AGTR1: variants seen among roughly 807,000 people sequenced by gnomAD.
AGTR1 encodes type-1 angiotensin II receptor.
Under a neutral mutation model 19.4 loss-of-function variants are expected in AGTR1, and 16 were observed. The observed-to-expected ratio is 0.82, with a 90% CI of 0.56 to 1.25. AGTR1 has a LOEUF of 1.25. Among genes scored for constraint, AGTR1 ranks in the 50% most tolerant of loss-of-function variants. The pLI is 0.00. For missense variants in AGTR1, 373 were observed against 431.9 expected, an observed-to-expected ratio of 0.86 and a Z score of 1.21; for synonymous variants, 153 against 154.9, an observed-to-expected ratio of 0.99 and a Z score of 0.09.
At chr3:148,740,633 A>AT (rs1384405197) in intron 2 of AGTR1, among the ~76,000 whole-genome samples, 1 of 152,172 alleles carries the variant, frequency 6.6e-6, no homozygotes, top group Non-Finnish European at 1.5e-5. Context: ...TTTCTGAAAA[A>AT]CTAATTTAAT....
intron 1 of AGTR1, among the ~76,000 whole-genome samples, chr3:148,700,288 A>G (rs1712262493): frequency 6.6e-6 from 1 of 152,160 alleles, no homozygotes; most frequent in African/African-American, 2.4e-5. Flanking sequence ...GAAAATAAGG[A>G]AGAAAAGTTT....
At chr3:148,723,167 CT>C (rs1713743563) in intron 2 of AGTR1, among the ~76,000 whole-genome samples, 2 of 152,048 alleles carry the variant, frequency 1.3e-5, no homozygotes, top group African/African-American at 2.4e-5. Flanking sequence ...TCTTCCTGCA[CT>C]TTTTTTATGT....
chr3:148,741,089 T>A lies in AGTR1; in HGVS notation c.54T>A (p.Cys18Ter), dbSNP rs2107973900. 1 of 1,614,062 alleles carries A rather than the reference T, an allele frequency of 6.2e-7. No individual in the cohort carries two copies. Among genetic ancestry groups the A allele is most frequent in the Non-Finnish European group, 8.5e-7 (1 of 1,179,918 alleles). Reference protein sequence around the residue: ...EDGIKRIQDDCPKAGRHNYIF... With the variant: ...EDGIKRIQDD ...GTATTAAAAGAATCCAAGATGATTG[T>A]CCCAAAGCTGGAAGGCATAATTACA... is the stretch of plus-strand genomic sequence containing the variant. The change falls in exon 3 of 3, where the codon TGT (cysteine) becomes TGA (stop). Residue 18 changes from cysteine (C) to a stop codon, truncating the protein, a stop_gained. Transcript: ENST00000349243. LOFTEE classifies it high-confidence loss of function.
At chr3:148,715,081 A>G (rs937196368) in intron 2 of AGTR1, among the ~76,000 whole-genome samples, 1 of 152,176 alleles carries the variant, frequency 6.6e-6, no homozygotes, top group East Asian at 1.9e-4. Context: ...TATATTTGGG[A>G]TTGTGTGTGT....
At chr3:148,712,018 C>T (rs1276873620) in intron 2 of AGTR1, among the ~76,000 whole-genome samples, 3 of 152,024 alleles carry the variant, frequency 2.0e-5, no homozygotes, top group Admixed American at 2.0e-4. Flanking sequence ...TCCCAAAATG[C>T]TAAGATTACA....
At chr3:148,711,736 TAGAC>T (rs767318377) in intron 2 of AGTR1, among the ~76,000 whole-genome samples, 14 of 152,182 alleles carry the variant, frequency 9.2e-5, no homozygotes, top group South Asian at 8.3e-4. Flanking sequence ...TAGAGATAGA[TAGAC>T]AGACAGACAG....
chr3:148,706,203 C>T (rs1712657941), intron 1 of AGTR1, among the ~76,000 whole-genome samples: 1 of 150,816 alleles, frequency 6.6e-6, no homozygotes. Context: ...TAAATCTGAC[C>T]CTTTCTGTCA....
At position 148,741,033 on chromosome 3, in the gene AGTR1, A is replaced by C. The variant is rs1312751977; in HGVS notation, c.-3A>C. 3 of 1,613,838 alleles carry C rather than the reference A, an allele frequency of 1.9e-6. No individual in the cohort carries two copies. The highest frequency in any genetic ancestry group is 2.5e-6 in the Non-Finnish European group (3 of 1,179,890). On this transcript the variant is annotated 5_prime_UTR_variant, in exon 3 of 3. Transcript: ENST00000349243. ...TGCAACAAATTCGACCCAGGTGATC[A>C]AAATGATTCTCAACTCTTCTACTGA...
At chr3:148,739,397 T>C (rs1714751089) in intron 2 of AGTR1, among the ~76,000 whole-genome samples, 1 of 149,206 alleles carries the variant, frequency 6.7e-6, no homozygotes, top group South Asian at 2.1e-4. Flanking sequence ...ACATCCAAAA[T>C]GTCAAAGTGC....
intron 2 of AGTR1, among the ~76,000 whole-genome samples, chr3:148,723,795 C>T (rs559962952): frequency 7.1e-4 from 108 of 152,218 alleles, no homozygotes; most frequent in African/African-American, 2.6e-3. Flanking sequence ...TGTGTTTTAC[C>T]GTAACCTCCA....
At chr3:148,702,174 G>A (rs1422873804) in intron 1 of AGTR1, among the ~76,000 whole-genome samples, 4 of 151,868 alleles carry the variant, frequency 2.6e-5, no homozygotes, top group Non-Finnish European at 4.4e-5. Context: ...GAAGAGGTTC[G>A]CCATGTTGGC....
chr3:148,728,956 C>G (rs979356606), intron 2 of AGTR1, among the ~76,000 whole-genome samples: 1 of 152,152 alleles, frequency 6.6e-6, no homozygotes, highest in Non-Finnish European at 1.5e-5. Context: ...TTTCCTACTG[C>G]GGGGTTCCTT....
intron 2 of AGTR1, among the ~76,000 whole-genome samples, chr3:148,713,258 T>C (rs1340010295): frequency 6.6e-6 from 1 of 152,146 alleles, no homozygotes; most frequent in African/African-American, 2.4e-5. Context: ...TTTAATCATT[T>C]TTTTTCTTTT....
At chr3:148,730,567 G>A (rs1398023221) in intron 2 of AGTR1, 1 of 191,222 alleles carries the variant, frequency 5.2e-6, no homozygotes, top group African/African-American at 2.3e-5. Context: ...AAACATTTTA[G>A]CTGAGGGTAC....
chr3:148,729,925 A>G (rs1403078598), intron 2 of AGTR1, among the ~76,000 whole-genome samples: 1 of 152,118 alleles, frequency 6.6e-6, no homozygotes, highest in Non-Finnish European at 1.5e-5. Flanking sequence ...TTCCACTTCT[A>G]GCACCACGTG....
In AGTR1 at chr3:148,741,901, G is replaced by A. The variant is rs747780318; in HGVS notation, c.866G>A (p.Cys289Tyr). 7.4e-6 allele frequency: 12 copies of A among 1,614,086 alleles called. No homozygotes were observed. The highest frequency in any genetic ancestry group is 2.2e-5 in the East Asian group (1 of 44,884). ...GACACGGCCATGCCTATCACCATTTGTATAGCTTATTTTAACAATTGCCTG... is the reference window on the plus strand; with the variant it reads ...GACACGGCCATGCCTATCACCATTTATATAGCTTATTTTAACAATTGCCTG... ...IVDTAMPITI[C>Y]IAYFNNCLNP... is the part of the protein sequence containing the mutation. The change falls in exon 3 of 3, where the codon TGT (cysteine) becomes TAT (tyrosine). Residue 289 changes from cysteine (C) to tyrosine (Y), a missense_variant. Transcript: ENST00000349243.
Position 148,742,467 on chromosome 3 carries a change from A to G in AGTR1, c.*352A>G, listed in dbSNP as rs879776474. ...ATTTCCACATAAAGGTATTTAGAAT[A>G]TATTAAATCGTTAGAGGAGCAACAG... On this transcript the variant is annotated 3_prime_UTR_variant, in exon 3 of 3. Coordinates refer to ENST00000349243, the MANE Select transcript of AGTR1 (RefSeq NM_000685.5). 7.8e-6 allele frequency: 3 copies of G among 383,630 alleles called. No homozygotes were observed. The highest frequency in any genetic ancestry group is 1.6e-5 in the Non-Finnish European group (3 of 192,084). The allele number at this position is 383,630 out of a possible 1,614,324, so 23.8% of individuals were successfully genotyped here.
intron 2 of AGTR1, among the ~76,000 whole-genome samples, chr3:148,732,928 G>A (rs1391958924): frequency 6.6e-6 from 1 of 151,090 alleles, no homozygotes; most frequent in Admixed American, 6.6e-5. Flanking sequence ...TTTTAGTAGA[G>A]ACGGGGTTTC....
At position 148,711,787 on chromosome 3, in the gene AGTR1, C is replaced by T. The variant is rs1013056729; in HGVS notation, c.-48+3760C>T. On this transcript the variant is annotated intron_variant, in intron 2 of 2. Transcript: ENST00000349243. ...TTTTTGAGACAAAGTCTCACTTTGT[C>T]CTCTAGGCTAGAGTGTAGTGGCATG... Among the ~76,000 whole-genome samples, 3 of 152,176 alleles carry T rather than the reference C, an allele frequency of 2.0e-5. No individual in the cohort carries two copies. In the East Asian group the frequency reaches 5.8e-4, roughly 29 times the overall value.
Sources: allele counts gnomAD v4.1 joint callset (sites outside exome capture counted in the v4.1 genomes callset), GRCh38; gene constraint gnomAD v4.1.1; transcripts MANE v1.5; gene names NCBI Gene and HGNC (gene_info 2026-07-23, HGNC 2026-07-21).